XPR1: variants seen among roughly 807,000 people sequenced by gnomAD.
The protein encoded by XPR1 is solute carrier family 53 member 1.
In XPR1, 28 loss-of-function variants were observed where a neutral mutation model predicts 87.5. That is an observed-to-expected ratio of 0.32 (90% CI 0.24 to 0.44). XPR1 has a LOEUF of 0.44. XPR1 is among the 20% of genes least tolerant of loss of function. The probability of loss-of-function intolerance (pLI) is 1.00; values close to 1 mark genes in which losing one functional copy is unlikely to be tolerated. For synonymous variants in XPR1, 300 were observed against 306.1 expected, an observed-to-expected ratio of 0.98 and a Z score of 0.21; for missense variants, 559 against 862.3, an observed-to-expected ratio of 0.65 and a Z score of 4.41.
intron 2 of XPR1, among the ~76,000 whole-genome samples, chr1:180,786,404 G>A (rs917412480): frequency 1.3e-5 from 2 of 152,060 alleles, no homozygotes; most frequent in African/African-American, 2.4e-5. Flanking sequence ...TGGGGGACCC[G>A]GGGCTCAGAA....
At chr1:180,666,683 T>A (rs937241265) in intron 1 of XPR1, among the ~76,000 whole-genome samples, 2 of 152,238 alleles carry the variant, frequency 1.3e-5, no homozygotes, top group African/African-American at 4.8e-5. Flanking sequence ...GTCAGCTTTG[T>A]ATCAGCTACT....
intron 2 of XPR1, among the ~76,000 whole-genome samples, chr1:180,766,867 A>C (rs1327172842): frequency 2.0e-5 from 3 of 152,148 alleles, no homozygotes; most frequent in Non-Finnish European, 4.4e-5. Context: ...TCCTAACTCC[A>C]TTTGACAAAA....
chr1:180,640,159 A>G (rs187957349), intron 1 of XPR1, among the ~76,000 whole-genome samples: 63 of 152,356 alleles, frequency 4.1e-4, no homozygotes, highest in African/African-American at 1.4e-3. Context: ...TAATTTGCTT[A>G]AGGCTCTATA....
At chr1:180,848,037 T>G (rs758897500) in intron 11 of XPR1, among the ~76,000 whole-genome samples, 3 of 152,142 alleles carry the variant, frequency 2.0e-5, no homozygotes, top group Non-Finnish European at 4.4e-5. Flanking sequence ...CTTATTAATA[T>G]ACATACAAAA....
At chr1:180,654,507 C>G (rs1655387702) in intron 1 of XPR1, among the ~76,000 whole-genome samples, 1 of 152,048 alleles carries the variant, frequency 6.6e-6, no homozygotes. Context: ...TCTCTACCAT[C>G]CATCTCAATT....
At chr1:180,663,399 T>C (rs1402650579) in intron 1 of XPR1, among the ~76,000 whole-genome samples, 1 of 152,234 alleles carries the variant, frequency 6.6e-6, no homozygotes, top group Non-Finnish European at 1.5e-5. Context: ...CATAGAGGTG[T>C]ACCACCTTGG....
chr1:180,855,800 A>G (rs1335221904), intron 11 of XPR1, among the ~76,000 whole-genome samples: 1 of 152,140 alleles, frequency 6.6e-6, no homozygotes, highest in African/African-American at 2.4e-5. Context: ...AATTGAGGCT[A>G]TCAGGAATCA....
chr1:180,708,894 G>GT (rs1264196151), intron 2 of XPR1, among the ~76,000 whole-genome samples: 2,328 of 83,988 alleles, frequency 0.028, 157 homozygotes, highest in Non-Finnish European at 0.038. Flanking sequence ...AGCATGTAAA[G>GT]TTTTTTTTTT....
intron 2 of XPR1, among the ~76,000 whole-genome samples, chr1:180,695,449 C>T (rs1322283680): frequency 6.0e-5 from 6 of 100,470 alleles, no homozygotes; most frequent in East Asian, 7.8e-4. Context: ...TGTATGCGCG[C>T]GCACGCGCGC....
chr1:180,884,159 C>A lies in XPR1; in HGVS notation c.*93C>A. Reference sequence around the variant, plus strand: ...CCTCTAGTACCTTTCCAGCCGAAAACAGGAGAAAACACATAACACATTTTC... The same window carrying A: ...CCTCTAGTACCTTTCCAGCCGAAAAAAGGAGAAAACACATAACACATTTTC... On this transcript the variant is annotated 3_prime_UTR_variant, in exon 15 of 15. Transcript: ENST00000367590. 2 of 1,080,958 alleles carry A rather than the reference C, an allele frequency of 1.9e-6. No individual in the cohort carries two copies. The highest frequency in any genetic ancestry group is 1.6e-5 in the South Asian group (1 of 64,212). 67.0% of individuals were successfully genotyped at this position (1,080,958 alleles called of 1,614,324 possible).
At chr1:180,881,847 A>G (rs1208786009) in intron 14 of XPR1, among the ~76,000 whole-genome samples, 2 of 152,182 alleles carry the variant, frequency 1.3e-5, no homozygotes, top group African/African-American at 4.8e-5. Context: ...TAGCCAGGGA[A>G]CAAACACAGA....
At chr1:180,788,656 T>C (rs886769309) in intron 3 of XPR1, among the ~76,000 whole-genome samples, 1 of 152,208 alleles carries the variant, frequency 6.6e-6, no homozygotes, top group East Asian at 1.9e-4. Flanking sequence ...TGAGCAGTAA[T>C]TGATGAAAAA....
chr1:180,769,676 A>G (rs1648434988), intron 2 of XPR1, among the ~76,000 whole-genome samples: 1 of 152,146 alleles, frequency 6.6e-6, no homozygotes, highest in African/African-American at 2.4e-5. Flanking sequence ...TTCTTCATTC[A>G]TCTGTCAATG....
intron 9 of XPR1, among the ~76,000 whole-genome samples, chr1:180,831,365 T>TTTCTTTC (rs751503719): frequency 1.5e-5 from 2 of 137,774 alleles, no homozygotes; most frequent in African/African-American, 2.8e-5. Context: ...TCTTTTTCTT[T>TTTCTTTC]TTTTTTTTTT....
intron 2 of XPR1, among the ~76,000 whole-genome samples, chr1:180,785,164 T>A (rs1373632346): frequency 6.6e-6 from 1 of 151,884 alleles, no homozygotes; most frequent in Non-Finnish European, 1.5e-5. Flanking sequence ...TTTTGTTTCC[T>A]TTTGAGATGG....
chr1:180,829,013 G>A lies in XPR1; in HGVS notation c.1134+3669G>A, dbSNP rs1445811076. Among the ~76,000 whole-genome samples the A allele has an allele frequency of 2.6e-5, 4 of 151,860 alleles. No individual in the cohort carries two copies. In the East Asian group the frequency reaches 5.8e-4, roughly 22 times the overall value. On this transcript the variant is annotated intron_variant, in intron 9 of 14. Coordinates refer to ENST00000367590, the MANE Select transcript of XPR1 (RefSeq NM_004736.4). ...GGAGTTCGAGACCAGCCTGGGCAAC[G>A]TGGCAAAACCCTTTCTCTACAAAAA...
chr1:180,809,296 C>T (rs911944674), intron 6 of XPR1, among the ~76,000 whole-genome samples: 8 of 152,070 alleles, frequency 5.3e-5, no homozygotes, highest in Admixed American at 1.3e-4. Flanking sequence ...TACAAAGACA[C>T]ATGGGAAATT....
At chr1:180,715,219 TAAGG>T (rs549672284) in intron 2 of XPR1, among the ~76,000 whole-genome samples, 225 of 152,280 alleles carry the variant, frequency 1.5e-3, no homozygotes, top group African/African-American at 4.5e-3. Flanking sequence ...TGTTCAGAAA[TAAGG>T]AAGGTAATTA....
intron 9 of XPR1, among the ~76,000 whole-genome samples, chr1:180,834,429 AT>A (rs1417277916): frequency 6.6e-6 from 1 of 152,242 alleles, no homozygotes; most frequent in Non-Finnish European, 1.5e-5. Context: ...CATGTATGTA[AT>A]AATTGTGAAC....
Sources: allele counts gnomAD v4.1 joint callset (sites outside exome capture counted in the v4.1 genomes callset), GRCh38; gene constraint gnomAD v4.1.1; transcripts MANE v1.5; gene names NCBI Gene and HGNC (gene_info 2026-07-23, HGNC 2026-07-21).